TMLHE: variants seen among roughly 807,000 people sequenced by gnomAD.
TMLHE encodes trimethyllysine dioxygenase, mitochondrial.
A neutral mutation model predicts 25.7 loss-of-function variants in TMLHE; 18 were observed. The ratio of observed to expected loss-of-function variants is 0.70; its 90% CI spans 0.48 to 1.04. The LOEUF is 1.04. Among genes scored for constraint, TMLHE ranks in the 50% least tolerant of loss-of-function variants. TMLHE has a pLI of 0.00. For synonymous variants in TMLHE, 105 were observed against 97.0 expected (o/e 1.08, Z -0.49); for missense variants, 236 against 259.0 (o/e 0.91, Z 0.61).
Position 155,560,579 on chromosome X carries a change from GAGTTAGTCA to G in TMLHE, c.-1-15311_-1-15303del, listed in dbSNP as rs1557341691. ...GAAAGATGACATTTGATCAAAGGAGGAGTTAGTCATAAGGATATCTGGGGTAAAGTAGAC... is the reference window on the plus strand; with the variant it reads ...GAAAGATGACATTTGATCAAAGGAGGTAAGGATATCTGGGGTAAAGTAGAC... On this transcript the variant is annotated intron_variant, in intron 1 of 7. Transcript: ENST00000334398. 5.5e-5 allele frequency among the ~76,000 whole-genome samples: 2 copies of G among 36,078 alleles called. 1 individual carries two copies. The highest frequency in any genetic ancestry group is 9.4e-5 in the African/African-American group (2 of 21,390). 31.3% of individuals were successfully genotyped at this position (36,078 alleles called of 115,157 possible). A position where few individuals can be genotyped will look rare whatever the true frequency, so the allele number is the denominator to read the frequency against.
intron 1 of TMLHE, among the ~76,000 whole-genome samples, chrX:155,595,624 T>C (rs2067716527): frequency 8.9e-6 from 1 of 112,456 alleles, no homozygotes; most frequent in Non-Finnish European, 1.9e-5. Context: ...AGAAAATTCA[T>C]GAAGCTGTGG....
At chrX:155,585,952 G>A (rs1440050477) in intron 1 of TMLHE, among the ~76,000 whole-genome samples, 2 of 111,593 alleles carry the variant, frequency 1.8e-5, no homozygotes, top group Non-Finnish European at 1.9e-5. Context: ...GGCCAGGCAC[G>A]GTGGCTCATG....
chrX:155,561,052 G>C (rs1459926228), intron 1 of TMLHE, among the ~76,000 whole-genome samples: 2 of 61,361 alleles, frequency 3.3e-5, no homozygotes, highest in African/African-American at 7.2e-5. Context: ...TGGTGAAAAA[G>C]GGTCAGAGTC....
At chrX:155,554,132 A>G (rs2067433323) in intron 1 of TMLHE, among the ~76,000 whole-genome samples, 1 of 110,039 alleles carries the variant, frequency 9.1e-6, no homozygotes, top group East Asian at 2.8e-4. Flanking sequence ...CCTCTTGAGT[A>G]GCTGGGACTA....
chrX:155,542,582 T>C (rs2067319159), intron 2 of TMLHE, among the ~76,000 whole-genome samples: 1 of 111,617 alleles, frequency 9.0e-6, no homozygotes, highest in Non-Finnish European at 1.9e-5. Context: ...GAGACCAAAA[T>C]TGGAGGCCTC....
Position 155,596,177 on chromosome X carries a change from C to T in TMLHE, c.-2+16615G>A, listed in dbSNP as rs782691420. Among the ~76,000 whole-genome samples the T allele has an allele frequency of 8.2e-4, 92 of 111,822 alleles. 2 individuals carry two copies. Among genetic ancestry groups the T allele is most frequent in the South Asian group, 3.7e-4 (1 of 2,680 alleles). The stretch of plus-strand genomic sequence containing the variant: ...CCTTATCTATAAAACTGCTAATCTC[C>T]GAGCTTTGAAGGGAAAAGATAAACA... On this transcript the variant is annotated intron_variant, in intron 1 of 7. Coordinates refer to ENST00000334398, the MANE Select transcript of TMLHE (RefSeq NM_018196.4).
intron 1 of TMLHE, among the ~76,000 whole-genome samples, chrX:155,584,057 T>G (rs1356610993): frequency 9.0e-6 from 1 of 110,787 alleles, no homozygotes; most frequent in African/African-American, 3.3e-5. Context: ...AAAATACAAA[T>G]TTTAAAGAAG....
chrX:155,528,731 T>A (rs2067233529), intron 2 of TMLHE, among the ~76,000 whole-genome samples: 1 of 111,892 alleles, frequency 8.9e-6, no homozygotes, highest in African/African-American at 3.2e-5. Context: ...CACTTATTGG[T>A]TGATGGGTAC....
At chrX:155,594,977 T>C (rs974694831) in intron 1 of TMLHE, among the ~76,000 whole-genome samples, 1 of 111,592 alleles carries the variant, frequency 9.0e-6, no homozygotes, top group Non-Finnish European at 1.9e-5. Flanking sequence ...TTACAAACCA[T>C]GTGGCCTAGA....
chrX:155,586,753 G>C (rs1427023069), intron 1 of TMLHE, among the ~76,000 whole-genome samples: 8 of 111,469 alleles, frequency 7.2e-5, no homozygotes, highest in African/African-American at 2.6e-4. Context: ...CACTAACAAA[G>C]TGGAAAACCT....
At chrX:155,555,671 G>GTCT (rs1557340682) in intron 1 of TMLHE, among the ~76,000 whole-genome samples, 1 of 110,836 alleles carries the variant, frequency 9.0e-6, no homozygotes, top group African/African-American at 3.3e-5. Flanking sequence ...CTGCATAAAT[G>GTCT]TCTTTTGAGA....
rs1174104870 is a variant in TMLHE, at chrX:155,547,305, C to A, written c.-1-2028G>T. On this transcript the variant is annotated intron_variant, in intron 1 of 7. Coordinates refer to ENST00000334398, the MANE Select transcript of TMLHE (RefSeq NM_018196.4). ...GACTACAGGCACCTGCCACCACGCC[C>A]GGCTAATTTTTTGTATTTTTAGTAG... Among the ~76,000 whole-genome samples the A allele has an allele frequency of 3.7e-4, 37 of 98,978 alleles. No homozygotes were observed. In the East Asian group the frequency reaches 6.8e-3, roughly 18 times the overall value. The allele number at this position is 98,978 out of a possible 115,157, so 86.0% of individuals were successfully genotyped here.
chrX:155,542,003 A>G (rs2067315779), intron 2 of TMLHE, among the ~76,000 whole-genome samples: 1 of 109,438 alleles, frequency 9.1e-6, no homozygotes, highest in Non-Finnish European at 1.9e-5. Context: ...TTGCCTGTTC[A>G]CTCTGATGGT....
At chrX:155,548,404 C>T (rs1603049241) in intron 1 of TMLHE, among the ~76,000 whole-genome samples, 1 of 111,640 alleles carries the variant, frequency 9.0e-6, no homozygotes, top group Non-Finnish European at 1.9e-5. Context: ...ATCTGAAATT[C>T]ACACAACTGA....
intron 2 of TMLHE, among the ~76,000 whole-genome samples, chrX:155,540,300 T>C (rs781990007): frequency 9.1e-5 from 10 of 110,401 alleles, no homozygotes; most frequent in Non-Finnish European, 1.5e-4. Context: ...CAAGAAAAAA[T>C]GACTCATCAC....
At chrX:155,510,325 T>C (rs1416256604) in intron 5 of TMLHE, among the ~76,000 whole-genome samples, 1 of 106,402 alleles carries the variant, frequency 9.4e-6, no homozygotes, top group African/African-American at 3.4e-5. Context: ...TGTATACATG[T>C]GCCATGCTGG....
At chrX:155,529,689 T>G (rs1314072284) in intron 2 of TMLHE, among the ~76,000 whole-genome samples, 1 of 112,431 alleles carries the variant, frequency 8.9e-6, no homozygotes, top group Non-Finnish European at 1.9e-5. Context: ...CATTTTTTAA[T>G]TGGGTTATAT....
chrX:155,551,344 A>T (rs2067414154), intron 1 of TMLHE, among the ~76,000 whole-genome samples: 1 of 97,514 alleles, frequency 1.0e-5, no homozygotes. Flanking sequence ...ATTCTTCCTA[A>T]TGCTATCCCT....
intron 1 of TMLHE, among the ~76,000 whole-genome samples, chrX:155,549,142 T>C (rs2067391864): frequency 9.0e-6 from 1 of 111,415 alleles, no homozygotes; most frequent in Non-Finnish European, 1.9e-5. Flanking sequence ...GTAAGCGCTT[T>C]GGAAATTTCT....
Sources: allele counts gnomAD v4.1 joint callset (sites outside exome capture counted in the v4.1 genomes callset), GRCh38; gene constraint gnomAD v4.1.1; transcripts MANE v1.5; gene names NCBI Gene and HGNC (gene_info 2026-07-23, HGNC 2026-07-21).